Variants in UMAD1 observed in about 807,000 individuals in gnomAD.
The protein encoded by UMAD1 is UBAP1-MVB12-associated (UMA)-domain containing protein 1.
In UMAD1, 8 loss-of-function variants were observed where a neutral mutation model predicts 6.1. That is an observed-to-expected ratio of 1.30 (90% confidence interval 0.76 to 2.35). UMAD1 has a LOEUF of 2.35. Ranked by LOEUF, UMAD1 falls within the 30% of genes most tolerant of loss-of-function variation. The pLI, the probability that UMAD1 is intolerant of heterozygous loss-of-function variation, is 0.00. For missense variants in UMAD1, 130 were observed against 78.4 expected (o/e 1.66, Z -2.49); for synonymous variants, 56 against 31.4 (o/e 1.78, Z -2.61).
At chr7:7,666,997 G>T (rs961677139) in intron 1 of UMAD1, among the ~76,000 whole-genome samples, 2 of 152,090 alleles carry the variant, frequency 1.3e-5, no homozygotes, top group Non-Finnish European at 2.9e-5. Flanking sequence ...TAGTAGAGAT[G>T]GGGTTTCACC....
chr7:7,737,682 G>A (rs1337220642), intron 2 of UMAD1, among the ~76,000 whole-genome samples: 1 of 152,154 alleles, frequency 6.6e-6, no homozygotes. Context: ...AGTGTTAATT[G>A]TGCTTATATT....
At chr7:7,684,955 A>G (rs1300327445) in intron 2 of UMAD1, among the ~76,000 whole-genome samples, 2 of 152,200 alleles carry the variant, frequency 1.3e-5, no homozygotes, top group Admixed American at 6.5e-5. Flanking sequence ...TGTACATGGA[A>G]TTTCTCCTAC....
chr7:7,778,861 C>T (rs1782280971), intron 2 of UMAD1, among the ~76,000 whole-genome samples: 1 of 152,128 alleles, frequency 6.6e-6, no homozygotes, highest in Non-Finnish European at 1.5e-5. Context: ...AGAAATTCCA[C>T]TTCTAAATAA....
chr7:7,763,015 G>GACA (rs1781920965), intron 2 of UMAD1, among the ~76,000 whole-genome samples: 1 of 152,050 alleles, frequency 6.6e-6, no homozygotes, highest in African/African-American at 2.4e-5. Flanking sequence ...GGAGTTTTAT[G>GACA]TTTATGGAAA....
At chr7:7,726,553 C>T (rs1003233587) in intron 2 of UMAD1, among the ~76,000 whole-genome samples, 2 of 152,176 alleles carry the variant, frequency 1.3e-5, no homozygotes, top group African/African-American at 4.8e-5. Flanking sequence ...ACTGTTTCTC[C>T]CATAGCCAGG....
intron 2 of UMAD1, among the ~76,000 whole-genome samples, chr7:7,758,325 T>C (rs933187173): frequency 3.3e-5 from 5 of 152,116 alleles, no homozygotes; most frequent in Non-Finnish European, 5.9e-5. Flanking sequence ...CTATGTAGAC[T>C]GCCTAATCTT....
chr7:7,733,123 A>G (rs149397217), intron 2 of UMAD1, among the ~76,000 whole-genome samples: 90 of 152,272 alleles, frequency 5.9e-4, no homozygotes, highest in African/African-American at 1.9e-3. Context: ...GTAATCTCGT[A>G]TTGTTTTTTC....
chr7:7,814,142 C>G (rs932176082), intron 3 of UMAD1, among the ~76,000 whole-genome samples: 3 of 152,102 alleles, frequency 2.0e-5, no homozygotes, highest in African/African-American at 7.2e-5. Context: ...CAACACCACG[C>G]CCAGCTAATT....
At chr7:7,838,447 A>G (rs1478263549) in intron 3 of UMAD1, among the ~76,000 whole-genome samples, 1 of 152,238 alleles carries the variant, frequency 6.6e-6, no homozygotes, top group African/African-American at 2.4e-5. Context: ...ATACAGGACC[A>G]TAGAGCAAAT....
intron 2 of UMAD1, among the ~76,000 whole-genome samples, chr7:7,759,878 C>G (rs556667866): frequency 2.0e-5 from 3 of 152,044 alleles, no homozygotes; most frequent in Admixed American, 2.0e-4. Context: ...CCATATTATC[C>G]CCCTTCTTCC....
chr7:7,646,480 ATTTTTTTT>A (rs35948027), intron 1 of UMAD1, among the ~76,000 whole-genome samples: 10 of 111,360 alleles, frequency 9.0e-5, no homozygotes, highest in African/African-American at 3.3e-4. Context: ...CTTTCGCTGG[ATTTTTTTT>A]TTTTTTTTTT....
intron 3 of UMAD1, among the ~76,000 whole-genome samples, chr7:7,856,950 A>T (rs547496162): frequency 6.6e-6 from 1 of 152,342 alleles, no homozygotes; most frequent in African/African-American, 2.4e-5. Flanking sequence ...CTCAGAATTT[A>T]AAAAATTTTT....
rs945602294 is a variant in UMAD1 at position 7,666,800 on chromosome 7, A to G, written c.-63-6509A>G. On this transcript the variant is annotated intron_variant, in intron 1 of 3. Coordinates refer to ENST00000682710, the MANE Select transcript of UMAD1 (RefSeq NM_001302348.2). ...CCATTTTTGTGGTTTGGACAGATGA[A>G]TTTATTTATTTATTTATTGTTTGAG... Among the ~76,000 whole-genome samples the G allele has an allele frequency of 4.6e-5, 7 of 150,934 alleles. No individual in the cohort carries two copies. In the South Asian group the frequency reaches 1.5e-3, roughly 31 times the overall value.
chr7:7,762,990 CAA>C (rs1361560783), intron 2 of UMAD1, among the ~76,000 whole-genome samples: 2 of 151,976 alleles, frequency 1.3e-5, no homozygotes, highest in African/African-American at 4.8e-5. Flanking sequence ...ATTAAATAAA[CAA>C]TGATATAAAA....
chr7:7,876,136 G>A (rs181021561), intron 3 of UMAD1, among the ~76,000 whole-genome samples: 4 of 152,318 alleles, frequency 2.6e-5, no homozygotes, highest in African/African-American at 9.6e-5. Context: ...CTGGGCTAGC[G>A]CTTGGAAGGA....
intron 2 of UMAD1, among the ~76,000 whole-genome samples, chr7:7,744,556 C>G (rs1331191688): frequency 6.7e-6 from 1 of 149,778 alleles, no homozygotes; most frequent in African/African-American, 2.5e-5. Context: ...TACAAGGGTT[C>G]TCATTTCTCC....
At chr7:7,843,966 A>G (rs1386651271) in intron 3 of UMAD1, among the ~76,000 whole-genome samples, 1 of 152,210 alleles carries the variant, frequency 6.6e-6, no homozygotes, top group Admixed American at 6.6e-5. Flanking sequence ...TTGCAAGAGT[A>G]AACTGAGTGA....
At chr7:7,765,875 AT>A (rs1232464898) in intron 2 of UMAD1, among the ~76,000 whole-genome samples, 1 of 152,038 alleles carries the variant, frequency 6.6e-6, no homozygotes, top group Admixed American at 6.5e-5. Context: ...TTTGGAAATA[AT>A]TTTTTCCCTC....
chr7:7,723,836 G>A (rs111844967), intron 2 of UMAD1, among the ~76,000 whole-genome samples: 4 of 152,288 alleles, frequency 2.6e-5, no homozygotes, highest in South Asian at 2.1e-4. Context: ...AGTCTGACTC[G>A]TGTAGAGCTC....
Sources: gnomAD v4.1 joint callset for allele counts (sites outside exome capture counted in the v4.1 genomes callset) on GRCh38, gnomAD v4.1.1 for gene constraint, MANE v1.5 for transcripts, NCBI Gene and HGNC (gene_info 2026-07-23, HGNC 2026-07-21) for gene names.